The following FAM193A variants were observed in gnomAD, a reference collection of about 807,000 sequenced individuals.
FAM193A encodes protein FAM193A.
A neutral mutation model predicts 126.5 loss-of-function variants in FAM193A; 22 were observed. That is an observed-to-expected ratio of 0.17 (90% CI 0.12 to 0.25). The LOEUF (loss-of-function observed/expected upper bound fraction) is 0.25. Among genes scored for constraint, FAM193A ranks in the 10% least tolerant of loss-of-function variants. The pLI is 1.00. For synonymous variants in FAM193A, 761 were observed against 646.8 expected, an observed-to-expected ratio of 1.18 and a Z score of -2.68; for missense variants, 1,675 against 1,672.8, an observed-to-expected ratio of 1.00 and a Z score of -0.02.
chr4:2,645,899 T>A (rs1005218836), intron 6 of FAM193A, among the ~76,000 whole-genome samples: 3 of 152,264 alleles, frequency 2.0e-5, no homozygotes, highest in African/African-American at 7.2e-5. Context: ...AAATCAGATT[T>A]TGTTTTGCTT....
chr4:2,689,374 CT>C, intron 13 of FAM193A, 131 bp from the exon 14 acceptor site: 1 of 612,428 alleles, frequency 1.6e-6, no homozygotes, highest in Non-Finnish European at 2.7e-6. Flanking sequence ...TGTGCTCCCC[CT>C]GGGCTGAGCT....
intron 12 of FAM193A, among the ~76,000 whole-genome samples, chr4:2,670,697 T>C (rs1028072375): frequency 6.6e-6 from 1 of 152,182 alleles, no homozygotes; most frequent in African/African-American, 2.4e-5. Flanking sequence ...TGGGCTCAAG[T>C]GATCTTCCCA....
At chr4:2,595,700 T>C (rs1012661688) in intron 1 of FAM193A, among the ~76,000 whole-genome samples, 3 of 152,204 alleles carry the variant, frequency 2.0e-5, no homozygotes, top group Non-Finnish European at 4.4e-5. Flanking sequence ...AGAATTGCCA[T>C]CTTGAATCTG....
chr4:2,678,719 C>G (rs1004701266), intron 13 of FAM193A, among the ~76,000 whole-genome samples: 2 of 152,142 alleles, frequency 1.3e-5, no homozygotes, highest in African/African-American at 4.8e-5. Flanking sequence ...ATTTCCTTTT[C>G]CAACTGACCA....
At chr4:2,543,787 TG>T (rs990979339) in intron 1 of FAM193A, among the ~76,000 whole-genome samples, 32 of 117,152 alleles carry the variant, frequency 2.7e-4, no homozygotes, top group African/African-American at 8.1e-4. Context: ...GAACCCGGGG[TG>T]GGGGGTGCAG....
At chr4:2,649,687 T>C (rs916297076) in intron 7 of FAM193A, among the ~76,000 whole-genome samples, 2 of 152,048 alleles carry the variant, frequency 1.3e-5, no homozygotes, top group African/African-American at 2.4e-5. Context: ...GAAAAAAATA[T>C]ATAGGCATAG....
chr4:2,649,608 G>A (rs1027045368), intron 7 of FAM193A, among the ~76,000 whole-genome samples: 2 of 152,048 alleles, frequency 1.3e-5, no homozygotes, highest in Non-Finnish European at 2.9e-5. Context: ...GGAGGTTGAG[G>A]CTGTGGTGAG....
chr4:2,544,946 A>G (rs1433422699), intron 1 of FAM193A, among the ~76,000 whole-genome samples: 1 of 151,672 alleles, frequency 6.6e-6, no homozygotes. Flanking sequence ...CGTTTCTACT[A>G]CTGATCTCAT....
chr4:2,666,032 G>A (rs1220872189), intron 12 of FAM193A, among the ~76,000 whole-genome samples: 1 of 152,148 alleles, frequency 6.6e-6, no homozygotes, highest in Non-Finnish European at 1.5e-5. Flanking sequence ...GTACAGAATA[G>A]AATTGTTGCA....
At chr4:2,585,187 C>T (rs1056252956) in intron 1 of FAM193A, among the ~76,000 whole-genome samples, 21 of 152,142 alleles carry the variant, frequency 1.4e-4, no homozygotes, top group African/African-American at 4.8e-4. Context: ...GGCATGAATA[C>T]TCTTGTACAT....
chr4:2,616,903 T>C (rs566392283), intron 2 of FAM193A, among the ~76,000 whole-genome samples: 2 of 145,672 alleles, frequency 1.4e-5, no homozygotes, highest in African/African-American at 5.0e-5. Flanking sequence ...GCGTGGTGGC[T>C]CTCGCCTGTA....
At chr4:2,591,174 T>G (rs534453793) in intron 1 of FAM193A, among the ~76,000 whole-genome samples, 1 of 152,032 alleles carries the variant, frequency 6.6e-6, no homozygotes, top group African/African-American at 2.4e-5. Context: ...AGTTGTCTTG[T>G]AAAGGAAAGG....
intron 1 of FAM193A, among the ~76,000 whole-genome samples, chr4:2,553,580 C>T (rs1350881593): frequency 1.4e-4 from 21 of 151,958 alleles, no homozygotes; most frequent in Non-Finnish European, 1.8e-4. Context: ...GGGGTTTCCC[C>T]ATGTTGGCCA....
intron 2 of FAM193A, among the ~76,000 whole-genome samples, chr4:2,610,321 G>A (rs1427159603): frequency 6.6e-6 from 1 of 151,318 alleles, no homozygotes; most frequent in Non-Finnish European, 1.5e-5. Context: ...ATCAATCAAG[G>A]CATATAGTCC....
intron 1 of FAM193A, among the ~76,000 whole-genome samples, chr4:2,581,813 A>C (rs151112968): frequency 0.017 from 2,627 of 151,248 alleles, 57 homozygotes; most frequent in African/African-American, 0.051. Flanking sequence ...GCCACCATGC[A>C]CGGCTAATTT....
intron 19 of FAM193A, among the ~76,000 whole-genome samples, chr4:2,711,724 A>G (rs1026147548): frequency 2.6e-5 from 4 of 151,844 alleles, no homozygotes; most frequent in South Asian, 2.1e-4. Flanking sequence ...CGAGGCGGGC[A>G]GATCACTTGA....
At position 2,696,378 on chromosome 4, in the gene FAM193A, A is replaced by G; in HGVS notation, c.3292A>G (p.Thr1098Ala). ...FGHGGPPAAP[T>A]SRNYAEMREK... Reference sequence around the variant, plus strand: ...TTTTTCTCAGCCTCCAGCTGCACCAACAAGTAGAAATTATGCAGAAATGAG... The same window carrying G: ...TTTTTCTCAGCCTCCAGCTGCACCAGCAAGTAGAAATTATGCAGAAATGAG... Residue 1098 changes from threonine (T) to alanine (A), a missense_variant, in exon 18 of 21, where the codon ACA becomes GCA. Physicochemically the swap from Thr to Ala is moderately conservative, Grantham distance 58. Transcript: ENST00000637812. 1 of 1,612,840 alleles carries G rather than the reference A, an allele frequency of 6.2e-7. No individual in the cohort carries two copies. The highest frequency in any genetic ancestry group is 8.5e-7 in the Non-Finnish European group (1 of 1,178,996).
At chr4:2,552,225 A>C (rs960942094) in intron 1 of FAM193A, among the ~76,000 whole-genome samples, 10 of 151,730 alleles carry the variant, frequency 6.6e-5, no homozygotes, top group African/African-American at 2.4e-4. Context: ...GTTAGCTAGG[A>C]TGATCTCGAC....
intron 13 of FAM193A, among the ~76,000 whole-genome samples, chr4:2,683,655 G>A (rs1411095961): frequency 6.6e-6 from 1 of 152,166 alleles, no homozygotes; most frequent in African/African-American, 2.4e-5. Context: ...ATGTAGCTTT[G>A]GGGGTATTTA....
Sources: allele counts gnomAD v4.1 joint callset (sites outside exome capture counted in the v4.1 genomes callset), GRCh38; gene constraint gnomAD v4.1.1; transcripts MANE v1.5; gene names NCBI Gene and HGNC (gene_info 2026-07-23, HGNC 2026-07-21).